The following CCDC146 variants were observed in gnomAD, a reference collection of about 807,000 sequenced individuals.
The protein encoded by CCDC146 is coiled-coil domain-containing protein 146.
Under a neutral mutation model 119.3 loss-of-function variants are expected in CCDC146, and 92 were observed. That is an observed-to-expected ratio of 0.77 (90% CI 0.65 to 0.92). The LOEUF is 0.92. Ranked by LOEUF, CCDC146 falls within the 40% of genes least tolerant of loss-of-function variation. CCDC146 has a pLI of 0.00. For synonymous variants in CCDC146, 372 were observed against 371.8 expected (o/e 1.00, Z -0.01); for missense variants, 1,000 against 1,103.0 (o/e 0.91, Z 1.32).
At chr7:77,151,184 G>A (rs1791104100) in intron 1 of CCDC146, among the ~76,000 whole-genome samples, 1 of 152,168 alleles carries the variant, frequency 6.6e-6, no homozygotes, top group South Asian at 2.1e-4. Flanking sequence ...TGTTACAAAG[G>A]CATTAACCCC....
intron 4 of CCDC146, among the ~76,000 whole-genome samples, chr7:77,253,480 G>T (rs1015454863): frequency 1.3e-5 from 2 of 152,154 alleles, no homozygotes; most frequent in African/African-American, 2.4e-5. Context: ...TCTGAGTGAC[G>T]ATCTATTTCC....
At chr7:77,138,322 G>C (rs754343664) in intron 1 of CCDC146, among the ~76,000 whole-genome samples, 3 of 143,592 alleles carry the variant, frequency 2.1e-5, no homozygotes, top group Non-Finnish European at 4.6e-5. Context: ...TGGAAGAACT[G>C]GACATGTACA....
At chr7:77,244,781 C>G (rs1024749332) in intron 4 of CCDC146, among the ~76,000 whole-genome samples, 1 of 134,106 alleles carries the variant, frequency 7.5e-6, no homozygotes, top group Non-Finnish European at 1.6e-5. Flanking sequence ...AACCAATTCC[C>G]TCCACACCCT....
chr7:77,286,237 G>T (rs1234891743), intron 15 of CCDC146, among the ~76,000 whole-genome samples: 1 of 152,184 alleles, frequency 6.6e-6, no homozygotes, highest in Non-Finnish European at 1.5e-5. Context: ...GGAAGCAAGA[G>T]AAAGAAGCAG....
chr7:77,223,759 T>C (rs1162224127), intron 2 of CCDC146, among the ~76,000 whole-genome samples: 9 of 152,244 alleles, frequency 5.9e-5, no homozygotes, highest in Non-Finnish European at 1.3e-4. Flanking sequence ...TAAACACTTA[T>C]AGGATGTCAA....
intron 11 of CCDC146, 33 bp downstream of exon 11, chr7:77,274,685 C>T: frequency 1.3e-6 from 2 of 1,566,842 alleles, no homozygotes; most frequent in Non-Finnish European, 8.7e-7. Context: ...TCATTGATAA[C>T]TACAAGAGTT....
At chr7:77,230,276 C>T (rs1584093349) in intron 2 of CCDC146, among the ~76,000 whole-genome samples, 2 of 152,162 alleles carry the variant, frequency 1.3e-5, no homozygotes, top group East Asian at 3.9e-4. Context: ...TTTATATGAG[C>T]ATATATCTTC....
chr7:77,261,416 TCCAGCTCCAC>T (rs908505483), intron 8 of CCDC146, among the ~76,000 whole-genome samples: 4 of 152,174 alleles, frequency 2.6e-5, no homozygotes, highest in African/African-American at 7.2e-5. Context: ...GATAATGACC[TCCAGCTCCAC>T]CCACGTTCCT....
intron 2 of CCDC146, among the ~76,000 whole-genome samples, chr7:77,174,608 A>G (rs1447186774): frequency 6.6e-6 from 1 of 152,150 alleles, no homozygotes; most frequent in African/African-American, 2.4e-5. Flanking sequence ...GCAACAGTAA[A>G]CTAACATGGC....
At chr7:77,143,859 A>G (rs1054140863) in intron 1 of CCDC146, among the ~76,000 whole-genome samples, 6 of 151,752 alleles carry the variant, frequency 4.0e-5, no homozygotes, top group African/African-American at 1.2e-4. Context: ...TGATGCCTCC[A>G]TCTTTGTTCT....
chr7:77,278,612 A>AT (rs1184634104), intron 11 of CCDC146, 140 bp from the exon 12 acceptor site: 6 of 605,118 alleles, frequency 9.9e-6, no homozygotes, highest in African/African-American at 5.6e-5. Context: ...TACCCAGATA[A>AT]TTTTTTTATT....
chr7:77,183,962 T>G (rs1290031949), intron 2 of CCDC146, among the ~76,000 whole-genome samples: 1 of 152,210 alleles, frequency 6.6e-6, no homozygotes, highest in African/African-American at 2.4e-5. Flanking sequence ...AAAGGAAACT[T>G]AAGAAATTTC....
chr7:77,180,275 GACAC>G (rs71531147), intron 2 of CCDC146, among the ~76,000 whole-genome samples: 1 of 147,308 alleles, frequency 6.8e-6, no homozygotes, highest in African/African-American at 2.5e-5. Flanking sequence ...ACCATACACA[GACAC>G]ACACACACAC....
chr7:77,236,095 G>T (rs1045168160), intron 2 of CCDC146, among the ~76,000 whole-genome samples: 1 of 50,780 alleles, frequency 2.0e-5, no homozygotes, highest in Non-Finnish European at 8.7e-5. Flanking sequence ...ATAAATAAAT[G>T]TAAGAACAAC....
At chr7:77,175,981 G>A (rs1355187220) in intron 2 of CCDC146, among the ~76,000 whole-genome samples, 1 of 151,264 alleles carries the variant, frequency 6.6e-6, no homozygotes, top group African/African-American at 2.5e-5. Context: ...AGAAGGGAAA[G>A]GGAGGCTTGA....
intron 2 of CCDC146, among the ~76,000 whole-genome samples, chr7:77,208,979 A>G (rs1235441620): frequency 6.6e-6 from 1 of 152,218 alleles, no homozygotes; most frequent in Non-Finnish European, 1.5e-5. Context: ...GATTACAGGC[A>G]TGATATCTGG....
intron 2 of CCDC146, among the ~76,000 whole-genome samples, chr7:77,171,223 A>G (rs939546250): frequency 3.3e-5 from 5 of 152,122 alleles, no homozygotes; most frequent in African/African-American, 9.7e-5. Flanking sequence ...TTGAAACCCA[A>G]TCATACCCGA....
At chr7:77,278,388 C>CT (rs1208064163) in intron 11 of CCDC146, among the ~76,000 whole-genome samples, 2 of 150,430 alleles carry the variant, frequency 1.3e-5, no homozygotes, top group Non-Finnish European at 2.9e-5. Context: ...TTTCAGATCT[C>CT]TTTTACCCTT....
At chr7:77,165,747 A>T (rs1791329399) in intron 1 of CCDC146, among the ~76,000 whole-genome samples, 1 of 152,230 alleles carries the variant, frequency 6.6e-6, no homozygotes, top group Non-Finnish European at 1.5e-5. Flanking sequence ...ATCTGCACAT[A>T]TAATAAGGAA....
Sources: gnomAD v4.1 joint callset for allele counts (sites outside exome capture counted in the v4.1 genomes callset) on GRCh38, gnomAD v4.1.1 for gene constraint, MANE v1.5 for transcripts, NCBI Gene and HGNC (gene_info 2026-07-23, HGNC 2026-07-21) for gene names.